The following ZNF518A variants were observed in gnomAD, a reference collection of about 807,000 sequenced individuals.
ZNF518A encodes the protein zinc finger protein 518.
ZNF518A carries 47 observed loss-of-function variants against 102.7 expected under a neutral mutation model. The ratio of observed to expected loss-of-function variants is 0.46; its 90% CI spans 0.36 to 0.58. The LOEUF (loss-of-function observed/expected upper bound fraction) is 0.58. ZNF518A is among the 20% of genes least tolerant of loss of function. ZNF518A has a pLI of 0.00. For missense variants in ZNF518A, 1,793 were observed against 1,699.8 expected, an observed-to-expected ratio of 1.05 and a Z score of -0.96; for synonymous variants, 652 against 594.6, an observed-to-expected ratio of 1.10 and a Z score of -1.40.
intron 1 of ZNF518A, among the ~76,000 whole-genome samples, chr10:96,173,343 C>G (rs1224473308): frequency 6.6e-6 from 1 of 152,074 alleles, no homozygotes; most frequent in Non-Finnish European, 1.5e-5. Flanking sequence ...TAGTTTTTGT[C>G]CCATGAATCT....
intron 3 of ZNF518A, among the ~76,000 whole-genome samples, chr10:96,134,240 T>C (rs1029408786): frequency 2.6e-5 from 4 of 152,234 alleles, no homozygotes; most frequent in Non-Finnish European, 4.4e-5. Context: ...TGTTTTGTTT[T>C]GTTTTTTTGA....
At chr10:96,191,268 A>G (rs1257860504) in intron 1 of ZNF518A, among the ~76,000 whole-genome samples, 1 of 133,968 alleles carries the variant, frequency 7.5e-6, no homozygotes, top group South Asian at 2.3e-4. Context: ...TAAATCACCC[A>G]GTCTTGAGTA....
intron 3 of ZNF518A, among the ~76,000 whole-genome samples, chr10:96,145,485 C>T (rs2082129162): frequency 6.6e-6 from 1 of 152,204 alleles, no homozygotes; most frequent in African/African-American, 2.4e-5. Context: ...AATAAACCGA[C>T]TAAAAACACT....
chr10:96,200,007 G>A lies in ZNF518A; in HGVS notation n.36-3567G>A. 8.6e-7 allele frequency: 1 copy of A among 1,159,998 alleles called. No homozygotes were observed. Among genetic ancestry groups the A allele is most frequent in the Non-Finnish European group, 1.1e-6 (1 of 890,290 alleles). The allele number at this position is 1,159,998 out of a possible 1,614,324, so 71.9% of individuals were successfully genotyped here. On this transcript the variant is annotated intron_variant and non_coding_transcript_variant, in intron 1 of 2. Coordinates refer to the ZNF518A transcript ENST00000442635. The surrounding 1 kb of genome is among the most constrained non-coding windows in gnomAD (Gnocchi z 4.3). ...CGAGCCACTGCACTCCAGTGAAACT[G>A]CATCATCTCAAAACAAATAAATAAA...
chr10:96,192,810 A>G (rs952632198), intron 1 of ZNF518A, among the ~76,000 whole-genome samples: 28 of 152,236 alleles, frequency 1.8e-4, no homozygotes, highest in African/African-American at 6.8e-4. Context: ...AGATCATGAA[A>G]TTAAATTCAT....
intron 1 of ZNF518A, among the ~76,000 whole-genome samples, chr10:96,185,466 T>A (rs587762608): frequency 6.6e-6 from 1 of 152,326 alleles, no homozygotes; most frequent in African/African-American, 2.4e-5. Context: ...TGCTCTTTGA[T>A]GATGGTGACC....
intron 3 of ZNF518A, among the ~76,000 whole-genome samples, chr10:96,135,656 G>A (rs2142331590): frequency 6.6e-6 from 1 of 152,322 alleles, no homozygotes; most frequent in East Asian, 1.9e-4. Flanking sequence ...TGGATATATA[G>A]CATATTTTTA....
intron 3 of ZNF518A, among the ~76,000 whole-genome samples, chr10:96,140,780 G>A (rs11188625): frequency 0.72 from 96,965 of 134,838 alleles, 32,260 homozygotes; most frequent in Middle Eastern, 0.78. Context: ...AAAAAAAAAA[G>A]AATTGGAAAA....
In ZNF518A at chr10:96,163,373, G is replaced by A. The variant is rs1554889086; in HGVS notation, c.*2599G>A. 1 of 166,876 alleles carries A rather than the reference G, an allele frequency of 6.0e-6. No homozygotes were observed. Among genetic ancestry groups the A allele is most frequent in the Non-Finnish European group, 1.5e-5 (1 of 68,058 alleles). 10.3% of individuals were successfully genotyped at this position (166,876 alleles called of 1,614,324 possible). A position where few individuals can be genotyped will look rare whatever the true frequency, so the allele number is the denominator to read the frequency against. ...TCCAAAATATGATTTTCAGTAGTTC[G>A]AGGTTCTTATTACAATTGAAGAGTT... is the stretch of plus-strand genomic sequence containing the variant. On this transcript the variant is annotated 3_prime_UTR_variant, in exon 6 of 6. Coordinates refer to ENST00000316045, the MANE Select transcript of ZNF518A (RefSeq NM_001330736.2).
At chr10:96,155,054 C>CACAT (rs2082632710) in intron 3 of ZNF518A, among the ~76,000 whole-genome samples, 1 of 150,248 alleles carries the variant, frequency 6.7e-6, no homozygotes, top group African/African-American at 2.4e-5. Context: ...TCTATTCATA[C>CACAT]ATATATATAT....
intron 3 of ZNF518A, among the ~76,000 whole-genome samples, chr10:96,134,664 C>T (rs587662988): frequency 1.3e-5 from 2 of 152,326 alleles, no homozygotes; most frequent in South Asian, 4.1e-4. Flanking sequence ...TGTGTGATGA[C>T]TGACCAAAAC....
In ZNF518A at chr10:96,154,693, TTTC is replaced by T. The variant is rs2082615760; in HGVS notation, c.-301-627_-301-625del. 2.0e-5 allele frequency among the ~76,000 whole-genome samples: 3 copies of T among 152,296 alleles called. No individual in the cohort carries two copies. The South Asian group carries it at 6.2e-4, about 32-fold the overall frequency. On this transcript the variant is annotated intron_variant, in intron 3 of 5. Transcript: ENST00000316045. Reference sequence around the variant, plus strand: ...GACAGTTCCAGTTACTTTTTCAGCTTTTCTTCTTTTAGGGCCCTAAAAACCCTT... The same window carrying T: ...GACAGTTCCAGTTACTTTTTCAGCTTTTCTTTTAGGGCCCTAAAAACCCTT...
At chr10:96,172,126 T>C (rs1554890948) in intron 1 of ZNF518A, among the ~76,000 whole-genome samples, 1 of 152,032 alleles carries the variant, frequency 6.6e-6, no homozygotes, top group Non-Finnish European at 1.5e-5. Flanking sequence ...TTCTTAAGAC[T>C]GAAAGCAAAT....
rs782389325 is a variant in ZNF518A, at chr10:96,157,926, C to T, written c.1604C>T (p.Ser535Phe). 17 of 1,613,608 alleles carry T rather than the reference C, an allele frequency of 1.1e-5. No individual in the cohort carries two copies. The highest frequency in any genetic ancestry group is 1.4e-5 in the Non-Finnish European group (16 of 1,179,726). The stretch of plus-strand genomic sequence containing the variant: ...TCAGAAAAAGAAATGACTTTGATAT[C>T]TCAAAGGAATAATATGCTTCAAACA... ...ASSEKEMTLISQRNNMLQTMD... is the reference protein window; with the variant it reads ...ASSEKEMTLIFQRNNMLQTMD... The change falls in exon 6 of 6, where the codon TCT (serine) becomes TTT (phenylalanine). Residue 535 changes from serine (S) to phenylalanine (F), a missense_variant. Physicochemically the swap from Ser to Phe is radical, Grantham distance 155. This residue lies in a region of ZNF518A where 1,741 missense variants were observed against 1,622.6 expected (regional missense o/e 1.07). Coordinates refer to ENST00000316045, the MANE Select transcript of ZNF518A (RefSeq NM_001330736.2).
downstream of ZNF518A, among the ~76,000 whole-genome samples, chr10:96,164,287 T>G (rs1353334892): frequency 6.6e-6 from 1 of 152,254 alleles, no homozygotes; most frequent in Non-Finnish European, 1.5e-5. Context: ...CTTCCTTCCT[T>G]AACTTTCTTA....
At chr10:96,138,027 T>C (rs1591116893) in intron 3 of ZNF518A, among the ~76,000 whole-genome samples, 1 of 143,774 alleles carries the variant, frequency 7.0e-6, no homozygotes, top group Non-Finnish European at 1.5e-5. Context: ...ACATGTCTCT[T>C]TCTTTCAGAG....
rs1304007416 is a variant in ZNF518A at position 96,157,215 on chromosome 10, A to G, written c.893A>G (p.Asp298Gly). The change falls in exon 6 of 6, where the codon GAC (aspartate) becomes GGC (glycine). Residue 298 changes from aspartate to glycine, a missense_variant. Around this residue, in one of 3 missense-constraint regions of ZNF518A, gnomAD observed 1,741 missense variants for 1,622.6 expected, o/e 1.07. Transcript: ENST00000316045. ...HLYAKEKLEK[D>G]KYEKRMAKTS... Reference sequence around the variant, plus strand: ...TATGCAAAAGAAAAACTGGAAAAAGACAAATATGAAAAAAGAATGGCAAAG... The same window carrying G: ...TATGCAAAAGAAAAACTGGAAAAAGGCAAATATGAAAAAAGAATGGCAAAG... 3.1e-6 allele frequency: 5 copies of G among 1,609,396 alleles called. No individual in the cohort carries two copies. The highest frequency in any genetic ancestry group is 3.4e-6 in the Non-Finnish European group (4 of 1,178,184).
downstream of ZNF518A, chr10:96,204,535 T>A (rs782108583): frequency 6.2e-7 from 1 of 1,614,014 alleles, no homozygotes. Context: ...TTCTTACTTC[T>A]GGGCAGGAGG....
chr10:96,132,922 G>T (rs1164111186), intron 2 of ZNF518A: 1 of 151,706 alleles, frequency 6.6e-6, no homozygotes, highest in African/African-American at 2.4e-5. Flanking sequence ...AAAAGAAAAA[G>T]AAAAAAAGAA....
Sources: gnomAD v4.1 joint callset for allele counts (sites outside exome capture counted in the v4.1 genomes callset) on GRCh38, gnomAD v4.1.1 for gene constraint, gnomAD v4.1.1 regional missense constraint, Gnocchi (gnomAD v3.1) non-coding constraint, MANE v1.5 for transcripts, NCBI Gene and HGNC (gene_info 2026-07-23, HGNC 2026-07-21) for gene names.